Variants in LYPD6B observed in about 807,000 individuals in gnomAD.
The protein encoded by LYPD6B is ly6/PLAUR domain-containing protein 6B.
A neutral mutation model predicts 22.8 loss-of-function variants in LYPD6B; 17 were observed. The observed-to-expected ratio is 0.75, with a 90% CI of 0.51 to 1.12. The LOEUF is 1.12. Among genes scored for constraint, LYPD6B ranks in the 50% most tolerant of loss-of-function variants. The probability of loss-of-function intolerance (pLI) is 0.00; values close to 1 mark genes in which losing one functional copy is unlikely to be tolerated. For synonymous variants in LYPD6B, 106 were observed against 91.6 expected (o/e 1.16, Z -0.90); for missense variants, 221 against 258.3 (o/e 0.86, Z 0.99).
At chr2:149,103,871 G>A (rs941872746) in intron 1 of LYPD6B, among the ~76,000 whole-genome samples, 1 of 143,182 alleles carries the variant, frequency 7.0e-6, no homozygotes, top group African/African-American at 2.6e-5. Context: ...CTGGCTCCCG[G>A]GTGCAAGCAA....
chr2:149,088,577 A>G (rs1685507238), intron 1 of LYPD6B, among the ~76,000 whole-genome samples: 1 of 152,208 alleles, frequency 6.6e-6, no homozygotes, highest in Non-Finnish European at 1.5e-5. Context: ...CTTGCTGGTG[A>G]TGCCCATTCC....
chr2:149,052,464 T>G (rs1358945343), intron 1 of LYPD6B, among the ~76,000 whole-genome samples: 1 of 152,184 alleles, frequency 6.6e-6, no homozygotes, highest in East Asian at 1.9e-4. Context: ...CTGGACAAAA[T>G]GAACAGAAGC....
chr2:149,048,378 C>T (rs909431034), intron 1 of LYPD6B, among the ~76,000 whole-genome samples: 1 of 152,180 alleles, frequency 6.6e-6, no homozygotes, highest in Non-Finnish European at 1.5e-5. Flanking sequence ...TCAAATTCCT[C>T]TAGTGATGCC....
At chr2:149,122,739 G>A (rs559274415) in intron 1 of LYPD6B, among the ~76,000 whole-genome samples, 33 of 152,160 alleles carry the variant, frequency 2.2e-4, no homozygotes, top group African/African-American at 7.5e-4. Flanking sequence ...TCCACAGGGC[G>A]GTTTCTCACT....
chr2:149,172,974 A>T (rs1165507249), intron 3 of LYPD6B, among the ~76,000 whole-genome samples: 1 of 92,100 alleles, frequency 1.1e-5, no homozygotes, highest in Non-Finnish European at 2.7e-5. Flanking sequence ...ATACCTTTTA[A>T]TAAGCATATA....
chr2:149,087,861 A>C (rs1285686543), intron 1 of LYPD6B, among the ~76,000 whole-genome samples: 1 of 152,210 alleles, frequency 6.6e-6, no homozygotes, highest in Non-Finnish European at 1.5e-5. Context: ...CATTTTCAAC[A>C]TGTGCCTCAG....
At chr2:149,045,208 A>G (rs1335104166) in intron 1 of LYPD6B, among the ~76,000 whole-genome samples, 1 of 152,090 alleles carries the variant, frequency 6.6e-6, no homozygotes, top group Non-Finnish European at 1.5e-5. Flanking sequence ...TCATTGATAC[A>G]GAATTTTTTG....
intron 1 of LYPD6B, chr2:149,077,391 A>G (rs1684924465): frequency 1.3e-5 from 2 of 152,220 alleles, no homozygotes; most frequent in South Asian, 2.1e-4. Context: ...TAACTCTGCA[A>G]ATATGATCCC....
intron 1 of LYPD6B, among the ~76,000 whole-genome samples, chr2:149,127,669 A>G (rs185155026): frequency 3.5e-4 from 54 of 152,186 alleles, no homozygotes; most frequent in Non-Finnish European, 5.4e-4. Flanking sequence ...GGTGGTCATA[A>G]ATGCATTATA....
intron 1 of LYPD6B, among the ~76,000 whole-genome samples, chr2:149,085,209 G>T (rs988347918): frequency 1.3e-5 from 2 of 152,206 alleles, no homozygotes; most frequent in African/African-American, 4.8e-5. Context: ...ACTTGCCAGA[G>T]CTGGGCTTGC....
chr2:149,049,706 C>T (rs1683464282), intron 1 of LYPD6B, among the ~76,000 whole-genome samples: 1 of 152,122 alleles, frequency 6.6e-6, no homozygotes, highest in South Asian at 2.1e-4. Flanking sequence ...GGACACATGA[C>T]ATGCAAGGTG....
At chr2:149,154,015 G>A (rs1208175653) in intron 2 of LYPD6B, 3 of 946,450 alleles carry the variant, frequency 3.2e-6, no homozygotes, top group Non-Finnish European at 3.8e-6. Flanking sequence ...TGACTAGGAG[G>A]ATGGTGATTC....
At chr2:149,081,684 A>G (rs1345652560) in intron 1 of LYPD6B, among the ~76,000 whole-genome samples, 1 of 152,146 alleles carries the variant, frequency 6.6e-6, no homozygotes. Flanking sequence ...CCTCTCTGTC[A>G]TGCCCTTCCT....
chr2:149,149,634 A>G (rs530473642), intron 2 of LYPD6B, among the ~76,000 whole-genome samples: 1 of 152,344 alleles, frequency 6.6e-6, no homozygotes, highest in African/African-American at 2.4e-5. Context: ...AATGTATCAC[A>G]TGCACCATAA....
Position 149,061,520 on chromosome 2 carries a change from A to T in LYPD6B, c.-67+22719A>T, listed in dbSNP as rs1034711235. On this transcript the variant is annotated intron_variant, in intron 1 of 6. Coordinates refer to ENST00000409642, the MANE Select transcript of LYPD6B (RefSeq NM_177964.5). ...AGGCAAGCCTGACTCTCAAGTTGTC[A>T]CCCTAGACAAATGCTGGGAGAAAGG... is the stretch of plus-strand genomic sequence containing the variant. Among the ~76,000 whole-genome samples, 14 of 151,948 alleles carry T rather than the reference A, an allele frequency of 9.2e-5. 1 individual carries two copies. Among genetic ancestry groups the T allele is most frequent in the Admixed American group, 8.5e-4 (13 of 15,252 alleles).
chr2:149,046,195 T>C (rs773197140), intron 1 of LYPD6B, among the ~76,000 whole-genome samples: 3 of 152,224 alleles, frequency 2.0e-5, no homozygotes, highest in Non-Finnish European at 4.4e-5. Flanking sequence ...CTTTGGGTGT[T>C]AATAATACAG....
chr2:149,046,684 T>C (rs1683319967), intron 1 of LYPD6B, among the ~76,000 whole-genome samples: 1 of 152,144 alleles, frequency 6.6e-6, no homozygotes, highest in Non-Finnish European at 1.5e-5. Flanking sequence ...TTTTTAGTGA[T>C]TGCTCTAGAG....
chr2:149,129,765 C>T (rs1238025307), intron 1 of LYPD6B, among the ~76,000 whole-genome samples: 2 of 152,172 alleles, frequency 1.3e-5, no homozygotes, highest in African/African-American at 4.8e-5. Flanking sequence ...CTTGATGGGG[C>T]TTTGTAGGCA....
chr2:149,099,676 C>T (rs1218376773), intron 1 of LYPD6B, among the ~76,000 whole-genome samples: 1 of 152,186 alleles, frequency 6.6e-6, no homozygotes, highest in Non-Finnish European at 1.5e-5. Flanking sequence ...AGGGCAATGC[C>T]TGGTCTAGGG....
Sources: allele counts gnomAD v4.1 joint callset (sites outside exome capture counted in the v4.1 genomes callset), GRCh38; gene constraint gnomAD v4.1.1; transcripts MANE v1.5; gene names NCBI Gene and HGNC (gene_info 2026-07-23, HGNC 2026-07-21).